RABEP1: variants seen among roughly 807,000 people sequenced by gnomAD.
RABEP1 encodes rab GTPase-binding effector protein 1.
A neutral mutation model predicts 123.4 loss-of-function variants in RABEP1; 51 were observed. The observed-to-expected ratio is 0.41, with a 90% CI of 0.33 to 0.52. The LOEUF is 0.52. Among genes scored for constraint, RABEP1 ranks in the 20% least tolerant of loss-of-function variants. The pLI is 0.16. For missense variants in RABEP1, 888 were observed against 996.3 expected (o/e 0.89, Z 1.46); for synonymous variants, 347 against 355.2 (o/e 0.98, Z 0.26).
chr17:5,379,411 G>C (rs1309658719), intron 15 of RABEP1, among the ~76,000 whole-genome samples: 1 of 152,058 alleles, frequency 6.6e-6, no homozygotes, highest in Non-Finnish European at 1.5e-5. Context: ...GCATGAACAG[G>C]CTCAGGTGTC....
intron 2 of RABEP1, among the ~76,000 whole-genome samples, chr17:5,309,145 T>C (rs1300071341): frequency 1.3e-5 from 2 of 152,230 alleles, no homozygotes; most frequent in Non-Finnish European, 2.9e-5. Context: ...ATAACAGCTT[T>C]AGCTATGTTA....
chr17:5,320,704 T>C (rs1184616574), intron 2 of RABEP1, among the ~76,000 whole-genome samples: 6 of 152,322 alleles, frequency 3.9e-5, no homozygotes, highest in South Asian at 2.1e-4. Flanking sequence ...AAGTTGTCTT[T>C]AAAGTAACTT....
At position 5,327,366 on chromosome 17, in the gene RABEP1, C is replaced by CA. The variant is rs936313054; in HGVS notation, c.164-4577dup. ...CTGTCTCAAAAAAAAAAAAAAACCC[C>CA]AAAAAACAAACAAAACCCAAAAAGC... On this transcript the variant is annotated intron_variant, in intron 2 of 17. Transcript: ENST00000537505. Among the ~76,000 whole-genome samples the CA allele has an allele frequency of 5.3e-5, 8 of 151,122 alleles. No homozygotes were observed. The South Asian group carries it at 1.7e-3, about 32-fold the overall frequency.
chr17:5,342,770 G>C (rs1200007640), intron 5 of RABEP1, among the ~76,000 whole-genome samples: 1 of 152,196 alleles, frequency 6.6e-6, no homozygotes, highest in Non-Finnish European at 1.5e-5. Flanking sequence ...TTGAAGACAA[G>C]ATGAGGAGAC....
At chr17:5,348,321 G>A (rs1908246156) in intron 6 of RABEP1, among the ~76,000 whole-genome samples, 1 of 152,172 alleles carries the variant, frequency 6.6e-6, no homozygotes, top group Non-Finnish European at 1.5e-5. Flanking sequence ...ATGGAGTTTT[G>A]GAAGGTGGGT....
chr17:5,338,288 G>A, intron 5 of RABEP1, 150 bp downstream of exon 5: 6 of 1,035,716 alleles, frequency 5.8e-6, no homozygotes, highest in Non-Finnish European at 6.5e-6. Flanking sequence ...ACTGCCGGGC[G>A]AGGTGGCTCA....
chr17:5,282,554 C>T (rs1567858941), intron 1 of RABEP1, 34 bp downstream of exon 1: 8 of 1,152,344 alleles, frequency 6.9e-6, no homozygotes, highest in Non-Finnish European at 8.6e-6. Flanking sequence ...GCGGCGGGCG[C>T]GGCCTGCCCG....
intron 2 of RABEP1, among the ~76,000 whole-genome samples, chr17:5,328,269 G>A (rs1239135373): frequency 6.6e-6 from 1 of 152,182 alleles, no homozygotes; most frequent in South Asian, 2.1e-4. Flanking sequence ...TAAAAATGAT[G>A]GATCTAGGTG....
chr17:5,319,727 TAA>T (rs2075335118), intron 2 of RABEP1, among the ~76,000 whole-genome samples: 2 of 152,066 alleles, frequency 1.3e-5, no homozygotes, highest in Admixed American at 1.3e-4. Flanking sequence ...TTAGAACTGA[TAA>T]ATAGATTTTC....
intron 2 of RABEP1, among the ~76,000 whole-genome samples, chr17:5,315,332 A>G (rs1433021418): frequency 6.6e-6 from 1 of 152,212 alleles, no homozygotes; most frequent in Non-Finnish European, 1.5e-5. Flanking sequence ...GTAAATTAGA[A>G]ACCAGTACTG....
intron 1 of RABEP1, among the ~76,000 whole-genome samples, chr17:5,291,366 C>A (rs1040682658): frequency 6.6e-6 from 1 of 151,992 alleles, no homozygotes; most frequent in Non-Finnish European, 1.5e-5. Context: ...GAGCCAAGAT[C>A]GTGCCATTGC....
intron 1 of RABEP1, among the ~76,000 whole-genome samples, chr17:5,297,363 C>A (rs904228987): frequency 6.6e-6 from 1 of 152,112 alleles, no homozygotes; most frequent in African/African-American, 2.4e-5. Flanking sequence ...CAGATTTCAA[C>A]GTATAAATGA....
intron 17 of RABEP1, among the ~76,000 whole-genome samples, chr17:5,382,908 T>G (rs567440377): frequency 6.6e-6 from 1 of 150,628 alleles, no homozygotes; most frequent in East Asian, 1.9e-4. Flanking sequence ...CTGGCCTGGA[T>G]GATGAGCAAA....
intron 1 of RABEP1, among the ~76,000 whole-genome samples, chr17:5,298,717 G>A (rs1016361281): frequency 5.4e-5 from 8 of 147,014 alleles, no homozygotes; most frequent in South Asian, 2.2e-4. Context: ...GTGCAGTAGC[G>A]AGATCTCAGC....
chr17:5,365,237 A>G lies in RABEP1; in HGVS notation c.1784A>G (p.Gln595Arg), dbSNP rs776691465. The change falls in exon 11 of 18, where the codon CAG (glutamine) becomes CGG (arginine). Residue 595 changes from glutamine (Q) to arginine (R), a missense_variant and splice_region_variant. Gln to Arg is a conservative substitution (Grantham distance 43). Coordinates refer to ENST00000537505, the MANE Select transcript of RABEP1 (RefSeq NM_004703.6). The stretch of plus-strand genomic sequence containing the variant: ...CAAAGCAGCGAAGATTCGAGTCACC[A>G]GGTAAGGGAGGGTTTATAGACTGTG... ...IKQSSEDSSHQISALVLRAQA... is the reference protein window; with the variant it reads ...IKQSSEDSSHRISALVLRAQA... 18 of 1,599,642 alleles carry G rather than the reference A, an allele frequency of 1.1e-5. No individual in the cohort carries two copies. Among genetic ancestry groups the G allele is most frequent in the Non-Finnish European group, 1.5e-5 (18 of 1,172,526 alleles).
At position 5,325,150 on chromosome 17, in the gene RABEP1, T is replaced by C. The variant is rs904435410; in HGVS notation, c.164-6799T>C. 9.9e-5 allele frequency among the ~76,000 whole-genome samples: 15 copies of C among 150,928 alleles called. 1 individual carries two copies. The highest frequency in any genetic ancestry group is 9.2e-4 in the Admixed American group (14 of 15,182). ...CAACATGGTGAAACCCCGTCTCTACTAAAAAAGCAAAAACAAACCAAAAAA... is the reference window on the plus strand; with the variant it reads ...CAACATGGTGAAACCCCGTCTCTACCAAAAAAGCAAAAACAAACCAAAAAA... On this transcript the variant is annotated intron_variant, in intron 2 of 17. Coordinates refer to ENST00000537505, the MANE Select transcript of RABEP1 (RefSeq NM_004703.6).
chr17:5,373,382 T>C lies in RABEP1; in HGVS notation c.1953T>C (p.Ser651=). The change falls in exon 13 of 18, where the codon AGT becomes AGC. Residue 651 remains serine, a synonymous_variant. Coordinates refer to ENST00000537505, the MANE Select transcript of RABEP1 (RefSeq NM_004703.6). The stretch of plus-strand genomic sequence containing the variant: ...TGAGGTTACAGAAAGATAATGACAG[T>C]CTCCAGGGAAAGCACAGCCTGCATG... ...ELVRLQKDND[S]LQGKHSLHVS... 7 of 1,613,026 alleles carry C rather than the reference T, an allele frequency of 4.3e-6. No individual in the cohort carries two copies. Among genetic ancestry groups the C allele is most frequent in the Non-Finnish European group, 5.9e-6 (7 of 1,179,840 alleles).
chr17:5,283,136 C>G (rs2074944693), intron 1 of RABEP1, among the ~76,000 whole-genome samples: 1 of 151,918 alleles, frequency 6.6e-6, no homozygotes, highest in African/African-American at 2.4e-5. Context: ...TATTCTCACC[C>G]ACGAATTAAC....
chr17:5,297,097 G>A (rs2075090706), intron 1 of RABEP1, among the ~76,000 whole-genome samples: 1 of 151,948 alleles, frequency 6.6e-6, no homozygotes, highest in Non-Finnish European at 1.5e-5. Flanking sequence ...AATTTTAACT[G>A]ATACTGCAGT....
Sources: allele counts gnomAD v4.1 joint callset (sites outside exome capture counted in the v4.1 genomes callset), GRCh38; gene constraint gnomAD v4.1.1; transcripts MANE v1.5; gene names NCBI Gene and HGNC (gene_info 2026-07-23, HGNC 2026-07-21).